The following HNF1B variants were observed in gnomAD, a reference collection of about 807,000 sequenced individuals.
HNF1B encodes the protein HNF1 homeobox B.
Under a neutral mutation model 61.7 loss-of-function variants are expected in HNF1B, and 8 were observed. The observed-to-expected ratio is 0.13, with a 90% CI of 0.08 to 0.23. The LOEUF (loss-of-function observed/expected upper bound fraction) is 0.23. Among genes scored for constraint, HNF1B ranks in the 10% least tolerant of loss-of-function variants. HNF1B has a pLI of 1.00. For synonymous variants in HNF1B, 314 were observed against 287.7 expected, an observed-to-expected ratio of 1.09 and a Z score of -0.93; for missense variants, 562 against 714.5, an observed-to-expected ratio of 0.79 and a Z score of 2.43.
chr17:37,714,970 C>G (rs760417991), intron 4 of HNF1B, among the ~76,000 whole-genome samples: 2 of 151,948 alleles, frequency 1.3e-5, no homozygotes, highest in African/African-American at 4.8e-5. Context: ...CTTTGTGATT[C>G]ATCTGTTTTA....
Position 37,744,744 on chromosome 17 carries a change from G to A in HNF1B, c.141C>T (p.Pro47=), listed in dbSNP as rs2034120583. 4 of 1,613,434 alleles carry A rather than the reference G, an allele frequency of 2.5e-6. No individual in the cohort carries two copies. Among genetic ancestry groups the A allele is most frequent in the Non-Finnish European group, 3.4e-6 (4 of 1,180,048 alleles). ...PNFGVKLETL[P]LSPGSGAEPD... ...GCTCGGCCCCGCTGCCAGGGGACAGGGGCAGCGTCTCCAGCTTCACCCCGA... is the reference window on the plus strand; with the variant it reads ...GCTCGGCCCCGCTGCCAGGGGACAGAGGCAGCGTCTCCAGCTTCACCCCGA... The change falls in exon 1 of 9, where the codon CCC becomes CCT. Residue 47 remains proline, a synonymous_variant. Transcript: ENST00000617811.
chr17:37,723,073 C>T (rs1448865608), intron 4 of HNF1B, among the ~76,000 whole-genome samples: 1 of 151,926 alleles, frequency 6.6e-6, no homozygotes, highest in Non-Finnish European at 1.5e-5. Flanking sequence ...GGCGCGGTGG[C>T]TCACGGCTGT....
chr17:37,688,380 A>ACAC (rs2032055093), intron 8 of HNF1B, among the ~76,000 whole-genome samples: 9 of 136,102 alleles, frequency 6.6e-5, no homozygotes, highest in East Asian at 4.4e-4. Flanking sequence ...GATCCCCCCA[A>ACAC]ACACACACAC....
chr17:37,738,928 C>T (rs2033910775), intron 2 of HNF1B, among the ~76,000 whole-genome samples: 2 of 152,228 alleles, frequency 1.3e-5, no homozygotes, highest in African/African-American at 2.4e-5. Flanking sequence ...CAATCCCTCC[C>T]ACTATCCTCC....
At chr17:37,740,346 C>G (rs1198834387) in intron 1 of HNF1B, among the ~76,000 whole-genome samples, 4 of 152,128 alleles carry the variant, frequency 2.6e-5, no homozygotes, top group Non-Finnish European at 5.9e-5. Context: ...AGTGGGGATG[C>G]CTTTAGCTTG....
At chr17:37,699,259 C>T (rs917786629) in intron 7 of HNF1B, 65 bp from the exon 8 acceptor site, 4 of 1,191,712 alleles carry the variant, frequency 3.4e-6, no homozygotes, top group Non-Finnish European at 5.0e-6. Flanking sequence ...GTACAGAGCC[C>T]CCATCCCACA....
chr17:37,743,874 C>A (rs750039816), intron 1 of HNF1B, among the ~76,000 whole-genome samples: 1 of 152,230 alleles, frequency 6.6e-6, no homozygotes, highest in Admixed American at 6.5e-5. Context: ...CCCACACCAC[C>A]GCGCTTGGTT....
At chr17:37,698,984 G>T in intron 8 of HNF1B, 92 bp downstream of exon 8, 1 of 949,712 alleles carries the variant, frequency 1.1e-6, no homozygotes, top group Non-Finnish European at 1.7e-6. Context: ...CCTAATTTCT[G>T]GCCGAGTCCA....
At chr17:37,719,130 ATTG>A (rs1341366044) in intron 4 of HNF1B, among the ~76,000 whole-genome samples, 4 of 108,574 alleles carry the variant, frequency 3.7e-5, no homozygotes, top group Non-Finnish European at 5.8e-5. Context: ...TATTATTATT[ATTG>A]TTATTATTAT....
rs561042096 is a variant in HNF1B, at chr17:37,741,743, T to C, written c.345-2104A>G. Among the ~76,000 whole-genome samples the C allele has an allele frequency of 7.2e-5, 11 of 152,316 alleles. No individual in the cohort carries two copies. The South Asian group carries it at 2.1e-3, about 29-fold the overall frequency. Reference sequence around the variant, plus strand: ...GTTTAAATGCCTTTACCTGTGTTCATTTTGTATGCCTAAGAAACCTAGAAA... The same window carrying C: ...GTTTAAATGCCTTTACCTGTGTTCACTTTGTATGCCTAAGAAACCTAGAAA... On this transcript the variant is annotated intron_variant, in intron 1 of 8. Coordinates refer to ENST00000617811, the MANE Select transcript of HNF1B (RefSeq NM_000458.4).
intron 4 of HNF1B, among the ~76,000 whole-genome samples, chr17:37,719,617 T>C (rs771323110): frequency 2.2e-4 from 33 of 152,298 alleles, no homozygotes; most frequent in Non-Finnish European, 2.9e-4. Context: ...AGAGATAATA[T>C]GGCTGCAACA....
At chr17:37,701,260 A>AAATG in intron 6 of HNF1B, 83 bp from the exon 7 acceptor site, 1 of 1,333,682 alleles carries the variant, frequency 7.5e-7, no homozygotes, top group Non-Finnish European at 1.0e-6. Context: ...GCCCCCGCTC[A>AAATG]ATGTCCCAGT....
intron 8 of HNF1B, among the ~76,000 whole-genome samples, chr17:37,688,943 G>A (rs1183068747): frequency 6.6e-6 from 1 of 152,086 alleles, no homozygotes; most frequent in Non-Finnish European, 1.5e-5. Flanking sequence ...TCAGGAGATC[G>A]AGATCAGCCT....
In HNF1B at chr17:37,728,310, G is replaced by GT. The variant is rs548097922; in HGVS notation, c.1045+3284dup. Among the ~76,000 whole-genome samples, 806 of 139,210 alleles carry GT rather than the reference G, an allele frequency of 5.8e-3. 3 individuals are homozygous for GT. Among genetic ancestry groups the GT allele is most frequent in the South Asian group, 0.016 (68 of 4,272 alleles). The allele number at this position is 139,210 out of a possible 152,430, so 91.3% of individuals were successfully genotyped here. A position where few individuals can be genotyped will look rare whatever the true frequency, so the allele number is the denominator to read the frequency against. On this transcript the variant is annotated intron_variant, in intron 4 of 8. Transcript: ENST00000617811. ...AGCCACCACACCTAGCCCACAGAGCGTTTTTTTTTTTTTTGAGACGGAGTC... is the reference window on the plus strand; with the variant it reads ...AGCCACCACACCTAGCCCACAGAGCGTTTTTTTTTTTTTTTGAGACGGAGTC...
chr17:37,691,860 T>C (rs553145668), intron 8 of HNF1B, among the ~76,000 whole-genome samples: 3 of 152,134 alleles, frequency 2.0e-5, no homozygotes, highest in Non-Finnish European at 4.4e-5. Context: ...GGATAGATGA[T>C]GAGGCCACCC....
chr17:37,689,479 T>G (rs2032116276), intron 8 of HNF1B, among the ~76,000 whole-genome samples: 2 of 152,250 alleles, frequency 1.3e-5, no homozygotes, highest in African/African-American at 4.8e-5. Context: ...TATCAAATGT[T>G]TGCTCACATA....
chr17:37,692,256 G>A (rs925472733), intron 8 of HNF1B, among the ~76,000 whole-genome samples: 8 of 152,260 alleles, frequency 5.3e-5, no homozygotes, highest in Admixed American at 3.9e-4. Flanking sequence ...ACAACAGGAA[G>A]TACTGGGATC....
intron 4 of HNF1B, among the ~76,000 whole-genome samples, chr17:37,719,020 C>T (rs193043406): frequency 1.3e-5 from 2 of 152,282 alleles, no homozygotes; most frequent in Admixed American, 1.3e-4. Context: ...TCACTGCAGC[C>T]TTGAACTCCT....
intron 4 of HNF1B, chr17:37,720,800 G>T (rs925187999): frequency 1.0e-6 from 1 of 985,176 alleles, no homozygotes; most frequent in African/African-American, 1.7e-5. Context: ...ACAGAGCAAG[G>T]TGTTCAGAGA....
Sources: allele counts gnomAD v4.1 joint callset (sites outside exome capture counted in the v4.1 genomes callset), GRCh38; gene constraint gnomAD v4.1.1; transcripts MANE v1.5; gene names NCBI Gene and HGNC (gene_info 2026-07-23, HGNC 2026-07-21).